The following SBF2 variants were observed in gnomAD, a reference collection of about 807,000 sequenced individuals.
SBF2 encodes the protein SET binding factor 2.
SBF2 carries 112 observed loss-of-function variants against 225.2 expected under a neutral mutation model. The observed-to-expected ratio is 0.50, with a 90% CI of 0.43 to 0.58. The LOEUF is 0.58. Ranked by LOEUF, SBF2 falls within the 20% of genes least tolerant of loss-of-function variation. The pLI is 0.00. For synonymous variants in SBF2, 763 were observed against 773.3 expected (o/e 0.99, Z 0.22); for missense variants, 1,996 against 2,206.2 (o/e 0.90, Z 1.91).
intron 33 of SBF2, among the ~76,000 whole-genome samples, chr11:9,792,942 T>G (rs529405115): frequency 3.5e-3 from 217 of 62,856 alleles, no homozygotes; most frequent in Admixed American, 0.014. Flanking sequence ...TGTGTGTGTT[T>G]TTTTTTTTTT....
chr11:10,180,184 T>G (rs2135283250), intron 2 of SBF2, among the ~76,000 whole-genome samples: 1 of 152,264 alleles, frequency 6.6e-6, no homozygotes, highest in East Asian at 1.9e-4. Flanking sequence ...GTTTTGTACC[T>G]TCAGATGATG....
chr11:10,301,664 CT>C (rs1343204537), intron 1 of SBF2, among the ~76,000 whole-genome samples: 3 of 152,172 alleles, frequency 2.0e-5, no homozygotes, highest in African/African-American at 7.2e-5. Flanking sequence ...TTTTTCAATG[CT>C]TCTCTGAAAG....
At chr11:9,868,134 T>C (rs1396217732) in intron 17 of SBF2, among the ~76,000 whole-genome samples, 1 of 152,170 alleles carries the variant, frequency 6.6e-6, no homozygotes, top group East Asian at 1.9e-4. Flanking sequence ...TGTATACTTA[T>C]GTAACAATAA....
intron 35 of SBF2, 131 bp downstream of exon 35, chr11:9,788,978 G>A (rs1338899614): frequency 2.6e-6 from 2 of 760,592 alleles, no homozygotes; most frequent in African/African-American, 3.4e-5. Context: ...GAGCAAATCT[G>A]GTTTCTTCAT....
intron 2 of SBF2, among the ~76,000 whole-genome samples, chr11:10,058,644 C>T (rs1950333470): frequency 6.6e-6 from 1 of 152,036 alleles, no homozygotes; most frequent in African/African-American, 2.4e-5. Flanking sequence ...GCCAATCAGT[C>T]AAATTAAGGA....
rs1368372980 is a variant in SBF2, at chr11:10,010,316, CA to C, written c.620-7628del. Among the ~76,000 whole-genome samples the C allele has an allele frequency of 4.6e-5, 7 of 152,224 alleles. No individual in the cohort carries two copies. The South Asian group carries it at 1.5e-3, about 32-fold the overall frequency. On this transcript the variant is annotated intron_variant, in intron 6 of 39. Transcript: ENST00000256190. ...GTGTTTTAGACATGAAGTCTTTGCC[CA>C]TGCCTATGTATTGGTATTGCCTAGA...
chr11:10,200,846 T>C (rs924178250), intron 1 of SBF2, among the ~76,000 whole-genome samples: 3 of 152,178 alleles, frequency 2.0e-5, no homozygotes, highest in African/African-American at 7.2e-5. Context: ...TATTAAAATA[T>C]TGCTTAAGGA....
Position 9,939,120 on chromosome 11 carries a change from CAG to C in SBF2, c.1860+22835_1860+22836del, listed in dbSNP as rs1222975370. Among the ~76,000 whole-genome samples the C allele has an allele frequency of 2.7e-5, 4 of 149,728 alleles. No individual in the cohort carries two copies. The East Asian group carries it at 7.7e-4, about 29-fold the overall frequency. ...ATTTATTTTATTTTACTTTTTGAGA[CAG>C]AGTCTCACTGTCGCCTAGGCTGGAG... On this transcript the variant is annotated intron_variant, in intron 16 of 39. Coordinates refer to ENST00000256190, the MANE Select transcript of SBF2 (RefSeq NM_030962.4).
chr11:10,122,175 C>T (rs1017470699), intron 2 of SBF2, among the ~76,000 whole-genome samples: 2 of 152,160 alleles, frequency 1.3e-5, no homozygotes, highest in Admixed American at 1.3e-4. Context: ...CTACCCATGA[C>T]ATTGTGAAGA....
In SBF2 at chr11:10,051,598, A is replaced by G. The variant is rs542606006; in HGVS notation, c.142-8617T>C. Reference sequence around the variant, plus strand: ...GTTAACTAGACACTGGTTACGTATGAGATCCTCTATTTCACACGTAAATGA... The same window carrying G: ...GTTAACTAGACACTGGTTACGTATGGGATCCTCTATTTCACACGTAAATGA... On this transcript the variant is annotated intron_variant, in intron 2 of 39. Coordinates refer to ENST00000256190, the MANE Select transcript of SBF2 (RefSeq NM_030962.4). 1.1e-4 allele frequency among the ~76,000 whole-genome samples: 17 copies of G among 152,226 alleles called. 1 individual carries two copies. In the South Asian group the frequency reaches 3.5e-3, roughly 32 times the overall value.
intron 1 of SBF2, among the ~76,000 whole-genome samples, chr11:10,273,178 A>ATTCTGTTTTATTATTAGTAATTTAG (rs1962672984): frequency 6.6e-6 from 1 of 152,250 alleles, no homozygotes; most frequent in Non-Finnish European, 1.5e-5. Flanking sequence ...GAATTATTTG[A>ATTCTGTTTTATTATTAGTAATTTAG]TAACTAATTA....
chr11:9,842,678 A>C lies in SBF2; in HGVS notation c.3203T>G (p.Ile1068Ser), dbSNP rs765970008. ...QYLLKKKTGT[I>S]VEERVNRPGW... ...AGGACGATTTACTCTTTCTTCCACA[A>C]TTGTCCCTGTCTTCTTCTTCAGTAA... is the stretch of plus-strand genomic sequence containing the variant. The change falls in exon 25 of 40, where the codon ATT becomes AGT. Residue 1068 changes from isoleucine (I) to serine (S), a missense_variant. Transcript: ENST00000256190. 7.4e-6 allele frequency: 12 copies of C among 1,613,908 alleles called. No individual in the cohort carries two copies. Among genetic ancestry groups the C allele is most frequent in the Non-Finnish European group, 1.0e-5 (12 of 1,179,966 alleles).
chr11:10,022,953 A>G (rs1948916434), intron 6 of SBF2, among the ~76,000 whole-genome samples: 1 of 152,116 alleles, frequency 6.6e-6, no homozygotes, highest in African/African-American at 2.4e-5. Flanking sequence ...AACAATAAGT[A>G]GTGTTTGGTA....
chr11:10,228,625 T>C (rs977493876), intron 1 of SBF2, among the ~76,000 whole-genome samples: 6 of 152,244 alleles, frequency 3.9e-5, no homozygotes, highest in African/African-American at 1.2e-4. Flanking sequence ...ATTACATTTA[T>C]TGATTTTGGC....
Position 10,048,879 on chromosome 11 carries a change from C to T in SBF2, c.142-5898G>A, listed in dbSNP as rs1949966737. ...GATCCATTCAAAGTGCCCAGTAGACCAACAGATTTTAATGTAACCATAAGA... is the reference window on the plus strand; with the variant it reads ...GATCCATTCAAAGTGCCCAGTAGACTAACAGATTTTAATGTAACCATAAGA... On this transcript the variant is annotated intron_variant, in intron 2 of 39. Transcript: ENST00000256190. Among the ~76,000 whole-genome samples, 3 of 152,200 alleles carry T rather than the reference C, an allele frequency of 2.0e-5. No individual in the cohort carries two copies. In the South Asian group the frequency reaches 6.2e-4, roughly 32 times the overall value.
chr11:9,953,966 C>T (rs1866005776), intron 16 of SBF2, among the ~76,000 whole-genome samples: 2 of 151,996 alleles, frequency 1.3e-5, no homozygotes, highest in Admixed American at 1.3e-4. Flanking sequence ...ACATAAAAAG[C>T]TTTAATTGTA....
At chr11:9,833,420 G>GA (rs1260248818) in intron 26 of SBF2, among the ~76,000 whole-genome samples, 1 of 125,194 alleles carries the variant, frequency 8.0e-6, no homozygotes, top group African/African-American at 2.7e-5. Flanking sequence ...TTTTTTTGGT[G>GA]ATTTTTTTTT....
At chr11:10,266,076 C>T (rs1961955945) in intron 1 of SBF2, among the ~76,000 whole-genome samples, 1 of 152,122 alleles carries the variant, frequency 6.6e-6, no homozygotes, top group Non-Finnish European at 1.5e-5. Flanking sequence ...CCTTGCTTAT[C>T]AGTTCATTTA....
At chr11:10,101,924 C>T (rs1369904195) in intron 2 of SBF2, among the ~76,000 whole-genome samples, 1 of 151,938 alleles carries the variant, frequency 6.6e-6, no homozygotes, top group Middle Eastern at 3.2e-3. Context: ...ACAAACTTTG[C>T]TAGGGGTCCC....
Sources: allele counts gnomAD v4.1 joint callset (sites outside exome capture counted in the v4.1 genomes callset), GRCh38; gene constraint gnomAD v4.1.1; transcripts MANE v1.5; gene names NCBI Gene and HGNC (gene_info 2026-07-23, HGNC 2026-07-21).